The following ADGRL3 variants were observed in gnomAD, a reference collection of about 807,000 sequenced individuals.
ADGRL3 encodes the protein adhesion G protein-coupled receptor L3.
A neutral mutation model predicts 153.5 loss-of-function variants in ADGRL3; 62 were observed. The observed-to-expected ratio is 0.40, with a 90% CI of 0.33 to 0.50. ADGRL3 has a LOEUF of 0.50. Among genes scored for constraint, ADGRL3 ranks in the 20% least tolerant of loss-of-function variants. The probability of loss-of-function intolerance (pLI) is 0.47; values close to 1 mark genes in which losing one functional copy is unlikely to be tolerated. For missense variants in ADGRL3, 1,641 were observed against 1,859.4 expected, an observed-to-expected ratio of 0.88 and a Z score of 2.16; for synonymous variants, 710 against 672.5, an observed-to-expected ratio of 1.06 and a Z score of -0.86.
chr4:61,676,963 C>A, intron 6 of ADGRL3, 28 bp downstream of exon 6: 1 of 1,405,184 alleles, frequency 7.1e-7, no homozygotes, highest in Non-Finnish European at 1.0e-6. Context: ...CTTTTCTTGG[C>A]AAGAGAAAAG....
rs1017079097 is a variant in ADGRL3 at position 61,992,059 on chromosome 4, T to A, written c.3237-4232T>A. Among the ~76,000 whole-genome samples, 51 of 151,886 alleles carry A rather than the reference T, an allele frequency of 3.4e-4. No individual in the cohort carries two copies. The Middle Eastern group carries it at 0.014, about 41-fold the overall frequency. On this transcript the variant is annotated intron_variant, in intron 19 of 26. Transcript: ENST00000683033. ...TAATGTATAGATGATATACATATGA[T>A]TGAATTTCATTTATAAAAAAGAAAT...
chr4:61,310,257 C>A (rs558790896), intron 1 of ADGRL3, among the ~76,000 whole-genome samples: 1 of 151,918 alleles, frequency 6.6e-6, no homozygotes, highest in African/African-American at 2.4e-5. Flanking sequence ...AGGTTTCATT[C>A]TGATTAACCA....
intron 21 of ADGRL3, among the ~76,000 whole-genome samples, chr4:62,023,995 A>G (rs1426927819): frequency 1.3e-5 from 2 of 152,170 alleles, no homozygotes; most frequent in African/African-American, 2.4e-5. Flanking sequence ...GTACAACTTA[A>G]TACTTCATTA....
intron 6 of ADGRL3, among the ~76,000 whole-genome samples, chr4:61,721,927 T>G (rs2096250072): frequency 6.6e-6 from 1 of 152,166 alleles, no homozygotes; most frequent in Admixed American, 6.5e-5. Context: ...AAAAATTTAT[T>G]TATAGAGATG....
chr4:61,457,869 GATA>G (rs2097771214), intron 2 of ADGRL3, among the ~76,000 whole-genome samples: 1 of 151,468 alleles, frequency 6.6e-6, no homozygotes, highest in African/African-American at 2.4e-5. Flanking sequence ...TAGATAGATA[GATA>G]GATAGATAGA....
chr4:61,373,388 A>G (rs140049656), intron 1 of ADGRL3, among the ~76,000 whole-genome samples: 26 of 152,172 alleles, frequency 1.7e-4, no homozygotes, highest in African/African-American at 6.0e-4. Flanking sequence ...AGACATAACA[A>G]TTTTTCATTT....
At chr4:61,755,217 T>C (rs2096810106) in intron 8 of ADGRL3, among the ~76,000 whole-genome samples, 1 of 152,122 alleles carries the variant, frequency 6.6e-6, no homozygotes, top group Non-Finnish European at 1.5e-5. Flanking sequence ...ATGGTTGAAC[T>C]AGTTTACAGT....
chr4:61,613,636 C>T (rs559360197), intron 5 of ADGRL3, among the ~76,000 whole-genome samples: 21 of 152,148 alleles, frequency 1.4e-4, no homozygotes, highest in Admixed American at 3.3e-4. Context: ...CCCAGCCACT[C>T]GGGAGATTGA....
chr4:61,799,285 A>G (rs2097458714), intron 8 of ADGRL3, among the ~76,000 whole-genome samples: 1 of 151,962 alleles, frequency 6.6e-6, no homozygotes, highest in Non-Finnish European at 1.5e-5. Context: ...CAATAATTCT[A>G]TGACAGGGAC....
intron 3 of ADGRL3, among the ~76,000 whole-genome samples, chr4:61,511,423 A>C (rs1178001609): frequency 1.3e-5 from 2 of 152,192 alleles, no homozygotes; most frequent in Non-Finnish European, 2.9e-5. Context: ...GTATACCCTG[A>C]AACTTTACTG....
At chr4:61,566,789 A>C (rs541544851) in intron 4 of ADGRL3, among the ~76,000 whole-genome samples, 1 of 152,270 alleles carries the variant, frequency 6.6e-6, no homozygotes, top group Admixed American at 6.5e-5. Context: ...TTTTTAGAAT[A>C]TGCTTATGTA....
At chr4:61,909,781 G>GTGTGTT in intron 12 of ADGRL3, 36 bp downstream of exon 12, 1 of 1,363,608 alleles carries the variant, frequency 7.3e-7, no homozygotes, top group Non-Finnish European at 9.9e-7. Flanking sequence ...GTGTGTGTGT[G>GTGTGTT]TGTGTGTGTG....
intron 1 of ADGRL3, among the ~76,000 whole-genome samples, chr4:61,321,558 G>A (rs527890945): frequency 1.3e-5 from 2 of 151,154 alleles, no homozygotes; most frequent in African/African-American, 4.9e-5. Context: ...GTGGAAACAT[G>A]GAGTGTACAT....
At chr4:61,707,561 T>G (rs2095876772) in intron 6 of ADGRL3, among the ~76,000 whole-genome samples, 1 of 152,160 alleles carries the variant, frequency 6.6e-6, no homozygotes, top group South Asian at 2.1e-4. Context: ...TTTAAAGGTG[T>G]TTGACCTTGA....
rs550728912 is a variant in ADGRL3, at chr4:61,669,837, A to G, written c.474-6989A>G. The stretch of plus-strand genomic sequence containing the variant: ...AGTCAGTGCTTTTCAGTGGAGTTTT[A>G]TACATGACTGAAACTTCATTTAAAA... On this transcript the variant is annotated intron_variant, in intron 5 of 26. Transcript: ENST00000683033. Among the ~76,000 whole-genome samples, 185 of 152,356 alleles carry G rather than the reference A, an allele frequency of 1.2e-3. 3 individuals are homozygous for G. The South Asian group carries it at 0.037, about 31-fold the overall frequency.
chr4:61,460,714 G>C (rs554324264), intron 2 of ADGRL3, among the ~76,000 whole-genome samples: 3 of 152,096 alleles, frequency 2.0e-5, no homozygotes, highest in Non-Finnish European at 4.4e-5. Flanking sequence ...GGAGGAGAAA[G>C]GCATATCTTT....
chr4:61,950,557 A>G (rs1418218470), intron 17 of ADGRL3, among the ~76,000 whole-genome samples: 1 of 152,248 alleles, frequency 6.6e-6, no homozygotes, highest in African/African-American at 2.4e-5. Flanking sequence ...CAAAGTAAAA[A>G]CAGAAACAAA....
At chr4:61,319,491 G>T (rs1483662861) in intron 1 of ADGRL3, among the ~76,000 whole-genome samples, 7 of 152,116 alleles carry the variant, frequency 4.6e-5, no homozygotes, top group Admixed American at 3.9e-4. Context: ...TCACCATGTT[G>T]TGTTAGTCTA....
At chr4:61,511,159 A>T (rs1005221697) in intron 3 of ADGRL3, among the ~76,000 whole-genome samples, 18 of 152,080 alleles carry the variant, frequency 1.2e-4, no homozygotes, top group African/African-American at 4.3e-4. Context: ...GGAGTTCAAG[A>T]CCACCCTTGC....
Sources: gnomAD v4.1 joint callset for allele counts (sites outside exome capture counted in the v4.1 genomes callset) on GRCh38, gnomAD v4.1.1 for gene constraint, MANE v1.5 for transcripts, NCBI Gene and HGNC (gene_info 2026-07-23, HGNC 2026-07-21) for gene names.